PCBP3: variants seen among roughly 807,000 people sequenced by gnomAD.
PCBP3 encodes poly(rC)-binding protein 3.
In PCBP3, 25 loss-of-function variants were observed where a neutral mutation model predicts 52.7. That is an observed-to-expected ratio of 0.47 (90% CI 0.35 to 0.66). The LOEUF is 0.66. Ranked by LOEUF, PCBP3 falls within the 30% of genes least tolerant of loss-of-function variation. PCBP3 has a pLI of 0.01. For synonymous variants in PCBP3, 162 were observed against 183.0 expected, an observed-to-expected ratio of 0.89 and a Z score of 0.93; for missense variants, 391 against 490.3, an observed-to-expected ratio of 0.80 and a Z score of 1.91.
chr21:45,815,617 GTGAGTGA>G (rs773033213), intron 4 of PCBP3, among the ~76,000 whole-genome samples: 2,134 of 37,600 alleles, frequency 0.057, 11 homozygotes, highest in Non-Finnish European at 0.069. Flanking sequence ...GTGGTGAGTA[GTGAGTGA>G]TGAGTGGTGA....
chr21:45,713,213 G>C (rs1019610821), intron 2 of PCBP3, among the ~76,000 whole-genome samples: 3 of 152,144 alleles, frequency 2.0e-5, no homozygotes, highest in African/African-American at 7.2e-5. Flanking sequence ...AGTTGTGCTT[G>C]GTGTCCGTTT....
At position 45,862,144 on chromosome 21, in the gene PCBP3, T is replaced by G. The variant is rs2094533819; in HGVS notation, c.10+12049T>G. On this transcript the variant is annotated intron_variant, in intron 5 of 17. Transcript: ENST00000681687. ...GTCTCATGGCCTAATCACCTCCTGA[T>G]ACCATCACACTGGGTCTTAAGTTTC... is the stretch of plus-strand genomic sequence containing the variant. 2.4e-5 allele frequency among the ~76,000 whole-genome samples: 3 copies of G among 126,202 alleles called. No homozygotes were observed. In the South Asian group the frequency reaches 8.4e-4, roughly 35 times the overall value. 82.8% of individuals were successfully genotyped at this position (126,202 alleles called of 152,430 possible). A position where few individuals can be genotyped will look rare whatever the true frequency, so the allele number is the denominator to read the frequency against.
intron 4 of PCBP3, among the ~76,000 whole-genome samples, chr21:45,806,961 A>C (rs2092525468): frequency 6.6e-6 from 1 of 152,150 alleles, no homozygotes; most frequent in Non-Finnish European, 1.5e-5. Context: ...GGATTTAGAA[A>C]AACCCTTGTG....
At chr21:45,939,694 G>C (rs1032251644) in intron 16 of PCBP3, among the ~76,000 whole-genome samples, 1 of 152,218 alleles carries the variant, frequency 6.6e-6, no homozygotes, top group African/African-American at 2.4e-5. Flanking sequence ...CCTGTGGGTC[G>C]CTCCTGGACC....
At chr21:45,846,369 C>T (rs60300060) in intron 4 of PCBP3, among the ~76,000 whole-genome samples, 3,273 of 151,264 alleles carry the variant, frequency 0.022, 134 homozygotes, top group African/African-American at 0.074. Context: ...TGTGCCATTT[C>T]TATTTCATGT....
intron 4 of PCBP3, chr21:45,828,205 A>G (rs1382619743): frequency 6.6e-6 from 1 of 152,210 alleles, no homozygotes; most frequent in East Asian, 1.9e-4. Flanking sequence ...GTGAATATGC[A>G]TGAGCAGTAA....
At chr21:45,835,932 A>G (rs1292006712) in intron 4 of PCBP3, among the ~76,000 whole-genome samples, 2 of 152,106 alleles carry the variant, frequency 1.3e-5, no homozygotes, top group Non-Finnish European at 2.9e-5. Context: ...TCTCAGTTCC[A>G]CAGGGGAAGC....
At position 45,853,457 on chromosome 21, in the gene PCBP3, C is replaced by G. The variant is rs1328483232; in HGVS notation, c.10+3362C>G. Among the ~76,000 whole-genome samples, 1 of 152,226 alleles carries G rather than the reference C, an allele frequency of 6.6e-6. No homozygotes were observed. Among genetic ancestry groups the G allele is most frequent in the Non-Finnish European group, 1.5e-5 (1 of 68,050 alleles). On this transcript the variant is annotated intron_variant, in intron 5 of 17. Coordinates refer to ENST00000681687, the MANE Select transcript of PCBP3 (RefSeq NM_001384156.1). The surrounding 1 kb of genome is among the most constrained non-coding windows in gnomAD (Gnocchi z 4.6). ...ATGAAGCAGTGAGAGCAGAGATTTA[C>G]TGAAAATGAGAGCACAGTCCACAGG...
At chr21:45,740,806 A>T (rs1341343451) in intron 3 of PCBP3, among the ~76,000 whole-genome samples, 1 of 152,042 alleles carries the variant, frequency 6.6e-6, no homozygotes, top group Non-Finnish European at 1.5e-5. Context: ...GTGTGTGTTG[A>T]GGGGACTGAG....
At chr21:45,747,082 G>T (rs1344445147) in intron 3 of PCBP3, among the ~76,000 whole-genome samples, 2 of 152,204 alleles carry the variant, frequency 1.3e-5, no homozygotes, top group African/African-American at 4.8e-5. Context: ...AGAAAAAGAG[G>T]TTTAGGGGAC....
chr21:45,933,047 G>A (rs9981500), intron 15 of PCBP3, among the ~76,000 whole-genome samples: 360 of 150,158 alleles, frequency 2.4e-3, no homozygotes, highest in African/African-American at 8.4e-3. Flanking sequence ...CAGCCATGCC[G>A]TTCTGAGATG....
intron 4 of PCBP3, among the ~76,000 whole-genome samples, chr21:45,776,676 T>C (rs1365914391): frequency 1.3e-5 from 2 of 152,224 alleles, no homozygotes; most frequent in African/African-American, 2.4e-5. Context: ...GATATAACTG[T>C]AGCTTCTGGT....
intron 4 of PCBP3, among the ~76,000 whole-genome samples, chr21:45,770,141 C>T (rs1488262704): frequency 1.3e-5 from 2 of 152,198 alleles, no homozygotes; most frequent in African/African-American, 2.4e-5. Flanking sequence ...TCCGTCTGAA[C>T]GGCGCCCCTG....
chr21:45,741,064 C>T lies in PCBP3; in HGVS notation c.-162+5635C>T, dbSNP rs145742759. Among the ~76,000 whole-genome samples, 101 of 152,268 alleles carry T rather than the reference C, an allele frequency of 6.6e-4. 1 individual carries two copies. The highest frequency in any genetic ancestry group is 2.1e-3 in the African/African-American group (86 of 41,550). On this transcript the variant is annotated intron_variant, in intron 3 of 17. Transcript: ENST00000681687. The surrounding 1 kb of genome is among the most constrained non-coding windows in gnomAD (Gnocchi z 4.5). ...AGCAGGGCACGGGATGGCTTCACTC[C>T]AGCTCCTCCTTATTTGGCCCCAGAG...
intron 4 of PCBP3, among the ~76,000 whole-genome samples, chr21:45,797,733 G>GA (rs2092029920): frequency 3.0e-5 from 4 of 133,866 alleles, no homozygotes; most frequent in African/African-American, 5.5e-5. Flanking sequence ...GGATGGACGA[G>GA]TGCGTGGATC....
At position 45,924,067 on chromosome 21, in the gene PCBP3, G is replaced by A. The variant is rs1191318893; in HGVS notation, c.718-5850G>A. Among the ~76,000 whole-genome samples, 36 of 129,416 alleles carry A rather than the reference G, an allele frequency of 2.8e-4. 1 individual carries two copies. The highest frequency in any genetic ancestry group is 1.7e-3 in the Admixed American group (23 of 13,696). 84.9% of individuals were successfully genotyped at this position (129,416 alleles called of 152,430 possible). A position where few individuals can be genotyped will look rare whatever the true frequency, so the allele number is the denominator to read the frequency against. ...AGTCGAGTGGGTAGAAACAGCACAC[G>A]TAAGATCGGGTGTGCACGAGGAGAT... is the stretch of plus-strand genomic sequence containing the variant. On this transcript the variant is annotated intron_variant, in intron 13 of 17. Coordinates refer to ENST00000681687, the MANE Select transcript of PCBP3 (RefSeq NM_001384156.1).
chr21:45,728,020 C>G (rs1308748803), intron 2 of PCBP3, among the ~76,000 whole-genome samples: 1 of 152,056 alleles, frequency 6.6e-6, no homozygotes, highest in African/African-American at 2.4e-5. Context: ...AGTTCTTTGG[C>G]TGGTTTATTT....
intron 2 of PCBP3, among the ~76,000 whole-genome samples, chr21:45,723,881 A>G (rs2084840253): frequency 6.6e-6 from 1 of 152,196 alleles, no homozygotes; most frequent in Admixed American, 6.5e-5. Flanking sequence ...CGCTGAGACC[A>G]TCACCGAGAG....
intron 4 of PCBP3, among the ~76,000 whole-genome samples, chr21:45,836,821 A>G (rs568404144): frequency 6.6e-6 from 1 of 151,444 alleles, no homozygotes; most frequent in South Asian, 2.1e-4. Flanking sequence ...GACTTCCCAA[A>G]CCTGTTCTGT....
Sources: allele counts gnomAD v4.1 joint callset (sites outside exome capture counted in the v4.1 genomes callset), GRCh38; gene constraint gnomAD v4.1.1; non-coding constraint Gnocchi (gnomAD v3.1); transcripts MANE v1.5; gene names NCBI Gene and HGNC (gene_info 2026-07-23, HGNC 2026-07-21).